Variants in SIPA1L2 observed in about 807,000 individuals in gnomAD.
SIPA1L2 encodes signal-induced proliferation-associated 1-like protein 2.
Under a neutral mutation model 163.9 loss-of-function variants are expected in SIPA1L2, and 56 were observed. The observed-to-expected ratio is 0.34, with a 90% confidence interval of 0.28 to 0.43. The LOEUF is 0.43. Among genes scored for constraint, SIPA1L2 ranks in the 20% least tolerant of loss-of-function variants. The pLI, the probability that SIPA1L2 is intolerant of heterozygous loss-of-function variation, is 1.00. For synonymous variants in SIPA1L2, 877 were observed against 865.7 expected, an observed-to-expected ratio of 1.01 and a Z score of -0.23; for missense variants, 1,974 against 2,193.5, an observed-to-expected ratio of 0.90 and a Z score of 2.00.
chr1:232,488,049 T>C (rs1665738892), intron 5 of SIPA1L2, among the ~76,000 whole-genome samples: 1 of 151,756 alleles, frequency 6.6e-6, no homozygotes, highest in Non-Finnish European at 1.5e-5. Context: ...TGCCTCCCGG[T>C]TCAAGTGATT....
chr1:232,505,326 T>A (rs1666678301), intron 3 of SIPA1L2, among the ~76,000 whole-genome samples: 1 of 152,232 alleles, frequency 6.6e-6, no homozygotes, highest in Non-Finnish European at 1.5e-5. Flanking sequence ...AAACTAAGTT[T>A]CTACATTCTT....
chr1:232,409,470 G>A (rs1446110402), intron 19 of SIPA1L2, among the ~76,000 whole-genome samples: 1 of 152,170 alleles, frequency 6.6e-6, no homozygotes, highest in Non-Finnish European at 1.5e-5. Flanking sequence ...GCCATCAAGA[G>A]GTAGAGGTAG....
chr1:232,613,477 G>GTT (rs1213708539), intron 1 of SIPA1L2, among the ~76,000 whole-genome samples: 1 of 152,180 alleles, frequency 6.6e-6, no homozygotes, highest in African/African-American at 2.4e-5. Flanking sequence ...GGAGTCAAGG[G>GTT]AACCTTCTCC....
chr1:232,518,270 T>G (rs1302798743), intron 2 of SIPA1L2, among the ~76,000 whole-genome samples: 1 of 152,178 alleles, frequency 6.6e-6, no homozygotes, highest in Admixed American at 6.5e-5. Flanking sequence ...ATTTTTCCTA[T>G]CTAAAATCCA....
At chr1:232,568,977 G>A (rs755984015) in intron 2 of SIPA1L2, among the ~76,000 whole-genome samples, 47 of 152,198 alleles carry the variant, frequency 3.1e-4, no homozygotes, top group Admixed American at 1.8e-3. Flanking sequence ...AACTCTTGAC[G>A]GGGAAGGGCT....
chr1:232,471,255 G>T, intron 8 of SIPA1L2, 116 bp downstream of exon 8: 1 of 1,130,992 alleles, frequency 8.8e-7, no homozygotes, highest in Non-Finnish European at 1.3e-6. Flanking sequence ...AAGTGTCTGA[G>T]TAATTAGAAA....
intron 10 of SIPA1L2, 80 bp downstream of exon 10, chr1:232,460,807 C>A (rs1373057392): frequency 6.6e-7 from 1 of 1,516,004 alleles, no homozygotes; most frequent in African/African-American, 1.4e-5. Context: ...TTTCTGAGGA[C>A]CTTGCAGGAG....
At chr1:232,619,627 CGGGATGGAA>C (rs1412379717) in intron 1 of SIPA1L2, among the ~76,000 whole-genome samples, 1 of 152,192 alleles carries the variant, frequency 6.6e-6, no homozygotes, top group African/African-American at 2.4e-5. Flanking sequence ...CTACCCAGGA[CGGGATGGAA>C]GGGATGGAAG....
chr1:232,534,964 CTGGTA>C (rs951618469), intron 2 of SIPA1L2, among the ~76,000 whole-genome samples: 1 of 152,216 alleles, frequency 6.6e-6, no homozygotes, highest in African/African-American at 2.4e-5. Context: ...TCAGTTGTAA[CTGGTA>C]GCTTTATACT....
At chr1:232,449,411 G>T (rs1039139956) in intron 10 of SIPA1L2, among the ~76,000 whole-genome samples, 1 of 151,768 alleles carries the variant, frequency 6.6e-6, no homozygotes, top group Non-Finnish European at 1.5e-5. Context: ...CCAGCTACTC[G>T]GGAGGCTGAG....
At chr1:232,603,974 A>G (rs993478392) in intron 1 of SIPA1L2, among the ~76,000 whole-genome samples, 2 of 152,194 alleles carry the variant, frequency 1.3e-5, no homozygotes, top group Non-Finnish European at 2.9e-5. Context: ...AGTGGACATC[A>G]TATTTACTAA....
At chr1:232,510,823 T>C (rs1004649740) in intron 3 of SIPA1L2, among the ~76,000 whole-genome samples, 8 of 152,158 alleles carry the variant, frequency 5.3e-5, no homozygotes, top group African/African-American at 1.9e-4. Flanking sequence ...CTCAGACATG[T>C]GCAACAGCAT....
At chr1:232,460,606 C>T (rs1664182651) in intron 10 of SIPA1L2, among the ~76,000 whole-genome samples, 1 of 152,062 alleles carries the variant, frequency 6.6e-6, no homozygotes, top group South Asian at 2.1e-4. Flanking sequence ...GGCAGGTGCT[C>T]TTCCCCTTAG....
intron 1 of SIPA1L2, among the ~76,000 whole-genome samples, chr1:232,607,392 A>G (rs1233182130): frequency 2.0e-5 from 3 of 152,184 alleles, no homozygotes; most frequent in African/African-American, 7.2e-5. Context: ...TCATAATTGA[A>G]TATCTTACTA....
intron 1 of SIPA1L2, among the ~76,000 whole-genome samples, chr1:232,616,948 T>C (rs1021849761): frequency 6.6e-6 from 1 of 152,218 alleles, no homozygotes; most frequent in Non-Finnish European, 1.5e-5. Context: ...CTCTTCAGCA[T>C]AAGTGATTGA....
intron 19 of SIPA1L2, among the ~76,000 whole-genome samples, chr1:232,407,933 TAGC>T (rs759678933): frequency 2.0e-5 from 3 of 152,174 alleles, no homozygotes; most frequent in African/African-American, 4.8e-5. Context: ...GTTTGACCCA[TAGC>T]CAGGTTTTCT....
At chr1:232,480,380 A>G (rs1665285448) in intron 6 of SIPA1L2, among the ~76,000 whole-genome samples, 1 of 152,202 alleles carries the variant, frequency 6.6e-6, no homozygotes, top group Non-Finnish European at 1.5e-5. Context: ...AAGAATATGG[A>G]GAATGAATGT....
chr1:232,610,387 T>C (rs1662176144), intron 1 of SIPA1L2, among the ~76,000 whole-genome samples: 1 of 152,148 alleles, frequency 6.6e-6, no homozygotes, highest in African/African-American at 2.4e-5. Context: ...TGGAAGGCCA[T>C]GGTGAGGGCC....
Position 232,514,540 on chromosome 1 carries a change from G to C in SIPA1L2, c.800C>G (p.Ala267Gly), listed in dbSNP as rs776163837. Residue 267 changes from alanine to glycine, a missense_variant, in exon 3 of 23, where the codon GCC becomes GGC. Coordinates refer to ENST00000674635, the MANE Select transcript of SIPA1L2 (RefSeq NM_020808.5). ...GTCCCTGTCTCTCCCCATCAGGAGG[G>C]CACTGTCCACATAATCTAATCCTGA... ...RISGLDYVDS[A>G]LLMGRDRDKP... 14 of 1,614,010 alleles carry C rather than the reference G, an allele frequency of 8.7e-6. No homozygotes were observed. The Admixed American group carries it at 1.3e-4, about 15-fold the overall frequency.
Sources: gnomAD v4.1 joint callset for allele counts (sites outside exome capture counted in the v4.1 genomes callset) on GRCh38, gnomAD v4.1.1 for gene constraint, MANE v1.5 for transcripts, NCBI Gene and HGNC (gene_info 2026-07-23, HGNC 2026-07-21) for gene names.